The following FOXP1 variants were observed in gnomAD, a reference collection of about 807,000 sequenced individuals.
FOXP1 encodes forkhead box protein P1.
FOXP1 carries 15 observed loss-of-function variants against 98.2 expected under a neutral mutation model. The ratio of observed to expected loss-of-function variants is 0.15; its 90% confidence interval spans 0.10 to 0.24. FOXP1 has a LOEUF of 0.24. Among genes scored for constraint, FOXP1 ranks in the 10% least tolerant of loss-of-function variants. The pLI is 1.00. For missense variants in FOXP1, 633 were observed against 848.5 expected (o/e 0.75, Z 3.15); for synonymous variants, 371 against 314.5 (o/e 1.18, Z -1.90).
At chr3:71,286,011 A>G (rs1333598336) in intron 5 of FOXP1, among the ~76,000 whole-genome samples, 1 of 152,224 alleles carries the variant, frequency 6.6e-6, no homozygotes, top group Non-Finnish European at 1.5e-5. Flanking sequence ...TGCCAACATA[A>G]GAGTGTACTT....
chr3:71,522,556 C>T (rs2043072383), intron 2 of FOXP1, among the ~76,000 whole-genome samples: 1 of 152,196 alleles, frequency 6.6e-6, no homozygotes, highest in Non-Finnish European at 1.5e-5. Context: ...AGAAAAGGTA[C>T]TGGCCACCTC....
chr3:71,192,528 G>A (rs1278768551), intron 6 of FOXP1, among the ~76,000 whole-genome samples: 1 of 152,248 alleles, frequency 6.6e-6, no homozygotes, highest in African/African-American at 2.4e-5. Flanking sequence ...AGCTGGAAAT[G>A]TTTGTGAGAC....
intron 4 of FOXP1, among the ~76,000 whole-genome samples, chr3:71,347,166 A>T (rs1372006108): frequency 3.9e-5 from 6 of 152,198 alleles, no homozygotes; most frequent in African/African-American, 9.6e-5. Flanking sequence ...TTTGGGTTTT[A>T]AAAAATTCCT....
intron 11 of FOXP1, among the ~76,000 whole-genome samples, chr3:71,033,406 GAAC>G (rs1252863588): frequency 6.6e-6 from 1 of 151,982 alleles, no homozygotes; most frequent in Non-Finnish European, 1.5e-5. Flanking sequence ...CTCAGAAAAT[GAAC>G]ATCACTCTCC....
At chr3:71,021,518 C>G (rs754882153) in intron 11 of FOXP1, among the ~76,000 whole-genome samples, 9 of 152,110 alleles carry the variant, frequency 5.9e-5, no homozygotes, top group Non-Finnish European at 8.8e-5. Context: ...TACATGTACT[C>G]TAAGTATCTG....
intron 14 of FOXP1, among the ~76,000 whole-genome samples, chr3:70,981,908 T>C (rs983064761): frequency 1.3e-5 from 2 of 152,194 alleles, no homozygotes; most frequent in African/African-American, 4.8e-5. Context: ...AGCTGTACAC[T>C]CCAAACACAG....
chr3:71,483,997 C>A (rs1000264997), intron 3 of FOXP1, among the ~76,000 whole-genome samples: 1 of 152,170 alleles, frequency 6.6e-6, no homozygotes, highest in Non-Finnish European at 1.5e-5. Flanking sequence ...TCCACCAGCT[C>A]GAATTTTGGT....
At chr3:71,059,642 C>G (rs1352950189) in intron 7 of FOXP1, among the ~76,000 whole-genome samples, 1 of 152,110 alleles carries the variant, frequency 6.6e-6, no homozygotes, top group Admixed American at 6.5e-5. Flanking sequence ...CCTACTTCAA[C>G]CACTTTCTCC....
At chr3:71,049,467 G>A (rs747658241) in intron 9 of FOXP1, among the ~76,000 whole-genome samples, 1 of 151,904 alleles carries the variant, frequency 6.6e-6, no homozygotes, top group Admixed American at 6.6e-5. Flanking sequence ...CTAAGAGCAC[G>A]TATCTTCTTA....
At chr3:71,529,240 A>T (rs1158464240) in intron 2 of FOXP1, among the ~76,000 whole-genome samples, 1 of 152,234 alleles carries the variant, frequency 6.6e-6, no homozygotes. Context: ...CTTCACATGC[A>T]TATTAGCCAC....
At chr3:71,156,956 C>T (rs773393158) in intron 6 of FOXP1, among the ~76,000 whole-genome samples, 10 of 152,162 alleles carry the variant, frequency 6.6e-5, no homozygotes, top group South Asian at 2.1e-4. Flanking sequence ...CAGTGCATGT[C>T]CTGACCACGA....
chr3:71,139,069 A>G (rs2059946557), intron 6 of FOXP1, among the ~76,000 whole-genome samples: 1 of 152,238 alleles, frequency 6.6e-6, no homozygotes, highest in Admixed American at 6.5e-5. Context: ...TGCTATTTAA[A>G]ATTTGTTTCA....
chr3:71,265,520 G>T (rs939815942), intron 5 of FOXP1, among the ~76,000 whole-genome samples: 1 of 152,182 alleles, frequency 6.6e-6, no homozygotes, highest in Non-Finnish European at 1.5e-5. Context: ...TGGTTCTCTA[G>T]GAGGAAACAG....
intron 6 of FOXP1, among the ~76,000 whole-genome samples, chr3:71,145,843 T>C (rs2060283477): frequency 1.3e-5 from 2 of 152,224 alleles, no homozygotes; most frequent in African/African-American, 4.8e-5. Flanking sequence ...TGAGTATGTT[T>C]GTTTTGTATT....
At chr3:71,572,582 A>G (rs2047420265) in intron 2 of FOXP1, 1 of 152,234 alleles carries the variant, frequency 6.6e-6, no homozygotes, top group African/African-American at 2.4e-5. Flanking sequence ...TTGAACGTGC[A>G]AAACAAAATC....
At chr3:71,426,595 G>A (rs1230542177) in intron 3 of FOXP1, among the ~76,000 whole-genome samples, 3 of 152,112 alleles carry the variant, frequency 2.0e-5, no homozygotes, top group Non-Finnish European at 4.4e-5. Context: ...AAGTGCTAGA[G>A]TTTTTCCATC....
intron 2 of FOXP1, among the ~76,000 whole-genome samples, chr3:71,579,311 A>G (rs1267632658): frequency 2.0e-5 from 3 of 152,110 alleles, no homozygotes; most frequent in Non-Finnish European, 4.4e-5. Context: ...AGCAATATAA[A>G]CCCCTTATCT....
At chr3:71,213,993 C>T (rs762462725) in intron 5 of FOXP1, among the ~76,000 whole-genome samples, 15 of 152,114 alleles carry the variant, frequency 9.9e-5, no homozygotes, top group African/African-American at 2.4e-4. Context: ...AAGAATCAGT[C>T]GGCCTAAAAG....
chr3:71,239,123 G>A (rs1421332579), intron 5 of FOXP1, among the ~76,000 whole-genome samples: 2 of 152,170 alleles, frequency 1.3e-5, no homozygotes, highest in Non-Finnish European at 1.5e-5. Context: ...GTGGGAATAT[G>A]TGATTGCATT....
Sources: allele counts gnomAD v4.1 joint callset (sites outside exome capture counted in the v4.1 genomes callset), GRCh38; gene constraint gnomAD v4.1.1; transcripts MANE v1.5; gene names NCBI Gene and HGNC (gene_info 2026-07-23, HGNC 2026-07-21).